Variants in SHPRH observed in about 807,000 individuals in gnomAD.
SHPRH encodes SNF2 histone linker PHD RING helicase.
Under a neutral mutation model 202.5 loss-of-function variants are expected in SHPRH, and 106 were observed. The observed-to-expected ratio is 0.52, with a 90% confidence interval of 0.45 to 0.62. SHPRH has a LOEUF of 0.62. SHPRH is among the 20% of genes least tolerant of loss of function. The probability of loss-of-function intolerance (pLI) is 0.00; values close to 1 mark genes in which losing one functional copy is unlikely to be tolerated. For synonymous variants in SHPRH, 729 were observed against 686.0 expected (o/e 1.06, Z -0.98); for missense variants, 1,710 against 2,020.0 (o/e 0.85, Z 2.94).
intron 3 of SHPRH, chr6:145,951,797 C>G (rs1438932952): frequency 4.4e-6 from 2 of 455,878 alleles, no homozygotes; most frequent in Admixed American, 2.4e-5. Context: ...CCACCATGAG[C>G]AGAACTTGGA....
At chr6:145,935,640 T>C in intron 11 of SHPRH, 199 bp from the exon 12 acceptor site, 1 of 544,290 alleles carries the variant, frequency 1.8e-6, no homozygotes, top group East Asian at 2.9e-5. Flanking sequence ...GGTTTTGGGC[T>C]AGGTGCTAAA....
At chr6:145,915,653 C>CT (rs538290954) in intron 23 of SHPRH, among the ~76,000 whole-genome samples, 134 of 152,088 alleles carry the variant, frequency 8.8e-4, no homozygotes, top group African/African-American at 3.1e-3. Context: ...ACCGAAACAT[C>CT]TTTAAAGGTG....
At chr6:145,901,597 A>T (rs1782510313) in intron 25 of SHPRH, among the ~76,000 whole-genome samples, 1 of 152,112 alleles carries the variant, frequency 6.6e-6, no homozygotes, top group African/African-American at 2.4e-5. Flanking sequence ...CCTCTGGCAA[A>T]CTCATTATTT....
Position 145,913,482 on chromosome 6 carries a change from T to C in SHPRH, c.4322A>G (p.Lys1441Arg). 1 of 1,609,424 alleles carries C rather than the reference T, an allele frequency of 6.2e-7. No homozygotes were observed. Among genetic ancestry groups the C allele is most frequent in the African/African-American group, 1.3e-5 (1 of 74,790 alleles). ...TGATGTTTATCATAATTTTACCTGT[T>C]TTCCTAGCTGTCGAGCACAGATTGG... is the stretch of plus-strand genomic sequence containing the variant. ...PCPICARQLG[K>R]QWAVLTCGHC... Residue 1441 changes from lysine to arginine, a missense_variant, in exon 24 of 30, where the codon AAA becomes AGA. Around this residue, in one of 8 missense-constraint regions of SHPRH, gnomAD observed 306 missense variants for 479.5 expected, o/e 0.64. Coordinates refer to ENST00000275233, the MANE Select transcript of SHPRH (RefSeq NM_001042683.3).
chr6:145,942,191 G>T (rs1364607936), intron 9 of SHPRH, among the ~76,000 whole-genome samples: 4 of 152,160 alleles, frequency 2.6e-5, no homozygotes, highest in African/African-American at 4.8e-5. Context: ...GTGGCAAAAA[G>T]AGAAAAGGGC....
chr6:145,883,818 T>C (rs1249654985), downstream of SHPRH: 1 of 152,166 alleles, frequency 6.6e-6, no homozygotes, highest in Non-Finnish European at 1.5e-5. Context: ...TTTTTTACAT[T>C]CCATTTTTGC....
At chr6:145,932,975 A>T in intron 14 of SHPRH, 82 bp downstream of exon 14, 1 of 1,434,038 alleles carries the variant, frequency 7.0e-7, no homozygotes, top group Non-Finnish European at 9.4e-7. Context: ...CCCCCCCCCA[A>T]AAATCAAAAT....
chr6:145,948,769 C>T (rs1048338406), intron 4 of SHPRH, among the ~76,000 whole-genome samples: 1 of 151,972 alleles, frequency 6.6e-6, no homozygotes, highest in Admixed American at 6.6e-5. Context: ...AATACATTTA[C>T]CCGAATCAGA....
Position 145,954,585 on chromosome 6 carries a change from T to C in SHPRH, c.633+105A>G, listed in dbSNP as rs113897266. On this transcript the variant is annotated intron_variant, in intron 2 of 29. Coordinates refer to ENST00000275233, the MANE Select transcript of SHPRH (RefSeq NM_001042683.3). ...TAAAGTGTACTTTGAAACTTAACAA[T>C]GAAAGGCTTATTGCTGGCTTTTCAG... 2,200 of 1,206,244 alleles carry C rather than the reference T, an allele frequency of 1.8e-3. 27 individuals are homozygous for C. In the African/African-American group the frequency reaches 0.029, roughly 16 times the overall value. The allele number at this position is 1,206,244 out of a possible 1,614,324, so 74.7% of individuals were successfully genotyped here. A position where few individuals can be genotyped will look rare whatever the true frequency, so the allele number is the denominator to read the frequency against.
intron 19 of SHPRH, 148 bp from the exon 20 acceptor site, chr6:145,922,496 G>A (rs878888508): frequency 2.4e-6 from 3 of 1,233,512 alleles, no homozygotes; most frequent in Admixed American, 3.3e-5. Flanking sequence ...TTCATACCTT[G>A]TCCTTGAGAC....
intron 2 of SHPRH, among the ~76,000 whole-genome samples, chr6:145,873,689 G>A (rs1364439589): frequency 8.1e-6 from 1 of 123,084 alleles, no homozygotes; most frequent in Non-Finnish European, 1.6e-5. Context: ...AGTAACAGTT[G>A]CTAGAGGAAG....
At chr6:145,857,870 C>G in the SHPRH span, among the ~76,000 whole-genome samples, 1 of 152,040 alleles carries the variant, frequency 6.6e-6, no homozygotes, top group East Asian at 1.9e-4. Context: ...TTTACTCAAC[C>G]ATAAGAAATC....
At chr6:145,922,546 C>G in intron 19 of SHPRH, 117 bp downstream of exon 19, 4 of 1,307,314 alleles carry the variant, frequency 3.1e-6, no homozygotes, top group Non-Finnish European at 3.1e-6. Flanking sequence ...TCTCTTTCTA[C>G]TTCTGTCTCA....
intron 28 of SHPRH, 73 bp from the exon 29 acceptor site, chr6:145,888,173 A>G: frequency 9.2e-7 from 1 of 1,083,146 alleles, no homozygotes; most frequent in Non-Finnish European, 1.4e-6. Context: ...TTCACATTTT[A>G]TATGCTATAT....
chr6:145,898,828 T>C (rs74942085), intron 25 of SHPRH, among the ~76,000 whole-genome samples: 22 of 152,254 alleles, frequency 1.4e-4, no homozygotes, highest in Non-Finnish European at 2.8e-4. Flanking sequence ...TTTTTTCTTT[T>C]TGAGACAGGG....
chr6:145,959,868 T>C (rs370375365), intron 1 of SHPRH, among the ~76,000 whole-genome samples: 10 of 152,230 alleles, frequency 6.6e-5, no homozygotes, highest in African/African-American at 2.4e-4. Context: ...TCTCTTATCT[T>C]AGTGGAATAA....
At chr6:145,924,195 C>A (rs1359075363) in intron 17 of SHPRH, among the ~76,000 whole-genome samples, 1 of 151,782 alleles carries the variant, frequency 6.6e-6, no homozygotes, top group African/African-American at 2.4e-5. Context: ...AATGAATAAT[C>A]CACAATAACT....
chr6:145,886,891 G>C, intron 29 of SHPRH, 104 bp from the exon 30 acceptor site: 3 of 1,213,722 alleles, frequency 2.5e-6, no homozygotes, highest in Non-Finnish European at 3.3e-6. Flanking sequence ...TTAAGTTTTT[G>C]TAATTGGGAT....
intron 16 of SHPRH, among the ~76,000 whole-genome samples, chr6:145,925,585 C>A (rs1398742795): frequency 2.0e-5 from 3 of 151,958 alleles, no homozygotes; most frequent in South Asian, 2.1e-4. Context: ...TCAAATAAAG[C>A]CTCCACTTAC....
Sources: allele counts gnomAD v4.1 joint callset (sites outside exome capture counted in the v4.1 genomes callset), GRCh38; gene constraint gnomAD v4.1.1; regional missense constraint gnomAD v4.1.1; transcripts MANE v1.5; gene names NCBI Gene and HGNC (gene_info 2026-07-23, HGNC 2026-07-21).